The following TEX264 variants were observed in gnomAD, a reference collection of about 807,000 sequenced individuals.
The protein encoded by TEX264 is testis-expressed protein 264.
TEX264 carries 13 observed loss-of-function variants against 23.4 expected under a neutral mutation model. That is an observed-to-expected ratio of 0.56 (90% confidence interval 0.36 to 0.88). The LOEUF is 0.88. Among genes scored for constraint, TEX264 ranks in the 40% least tolerant of loss-of-function variants. The pLI is 0.01. For synonymous variants in TEX264, 159 were observed against 170.0 expected (o/e 0.94, Z 0.50); for missense variants, 340 against 406.8 (o/e 0.84, Z 1.41).
chr3:51,685,695 G>C (rs1239790061), intron 3 of TEX264, among the ~76,000 whole-genome samples: 1 of 152,236 alleles, frequency 6.6e-6, no homozygotes. Context: ...TACAAGATGA[G>C]CTGTCCCATC....
chr3:51,679,137 G>A (rs763012205), intron 2 of TEX264, among the ~76,000 whole-genome samples: 12 of 152,188 alleles, frequency 7.9e-5, no homozygotes, highest in South Asian at 2.1e-4. Context: ...TTGAATCAAG[G>A]CTCCACTGCT....
chr3:51,677,294 G>T (rs1702262649), intron 2 of TEX264, among the ~76,000 whole-genome samples: 1 of 152,202 alleles, frequency 6.6e-6, no homozygotes, highest in Non-Finnish European at 1.5e-5. Context: ...CCAGTGTGTG[G>T]GTGTTAGGAG....
At chr3:51,699,343 C>T in intron 3 of TEX264, 63 bp from the exon 4 acceptor site, 1 of 1,563,776 alleles carries the variant, frequency 6.4e-7, no homozygotes, top group Admixed American at 1.7e-5. Flanking sequence ...TGGGGGTCAC[C>T]CAGGGACAAG....
At chr3:51,699,198 CTA>C (rs1703187999) in intron 3 of TEX264, among the ~76,000 whole-genome samples, 1 of 152,140 alleles carries the variant, frequency 6.6e-6, no homozygotes, top group Non-Finnish European at 1.5e-5. Flanking sequence ...GGTCTTCAGA[CTA>C]TTATTGCACT....
rs1702169359 is a variant in TEX264, at chr3:51,674,579, G to T, written c.258+17G>T. 1.2e-6 allele frequency: 2 copies of T among 1,612,548 alleles called. No individual in the cohort carries two copies. The highest frequency in any genetic ancestry group is 1.3e-5 in the African/African-American group (1 of 75,028). On this transcript the variant is annotated intron_variant, in intron 2 of 4. Coordinates refer to ENST00000341333, the MANE Select transcript of TEX264 (RefSeq NM_015926.6). ...CCCCACATGGTAAGGAGTCTCCATG[G>T]GGTTCTGCCCCATGGATGGGCCTGG...
At chr3:51,678,853 AG>A in intron 2 of TEX264, among the ~76,000 whole-genome samples, 1 of 152,248 alleles carries the variant, frequency 6.6e-6, no homozygotes, top group South Asian at 2.1e-4. Flanking sequence ...GAGCCTGGGA[AG>A]GGGTGAGGGA....
rs1702834722 is a variant in TEX264, at chr3:51,691,668, A to G, written c.480+7034A>G. ...AGAGGAGCAAGAGTTTGGGCCTAAG[A>G]GATATAGGCTGGGTCCTGCAGGCAC... On this transcript the variant is annotated intron_variant, in intron 3 of 4. Transcript: ENST00000341333. The surrounding 1 kb of genome is among the most constrained non-coding windows in gnomAD (Gnocchi z 4.4). Among the ~76,000 whole-genome samples the G allele has an allele frequency of 6.6e-6, 1 of 152,048 alleles. No homozygotes were observed. The highest frequency in any genetic ancestry group is 1.5e-5 in the Non-Finnish European group (1 of 68,014).
At chr3:51,700,750 A>C (rs746119474) in intron 4 of TEX264, among the ~76,000 whole-genome samples, 46 of 133,728 alleles carry the variant, frequency 3.4e-4, no homozygotes, top group Non-Finnish European at 5.7e-4. Context: ...CTTGGCACCC[A>C]CTACAGCTGG....
intron 1 of TEX264, chr3:51,672,201 C>T (rs1310299709): frequency 1.3e-5 from 2 of 152,276 alleles, no homozygotes; most frequent in South Asian, 2.1e-4. Context: ...GTGGTTATTT[C>T]CTGGGCAGGG....
At chr3:51,690,282 C>G (rs376741392) in intron 3 of TEX264, among the ~76,000 whole-genome samples, 164 of 152,232 alleles carry the variant, frequency 1.1e-3, no homozygotes, top group South Asian at 3.9e-3. Flanking sequence ...CTGTAATCCC[C>G]ACACTTTAGG....
intron 3 of TEX264, among the ~76,000 whole-genome samples, chr3:51,695,046 G>T (rs1703001228): frequency 6.6e-6 from 1 of 152,266 alleles, no homozygotes; most frequent in Admixed American, 6.5e-5. Flanking sequence ...CCCACTTGCA[G>T]GGACTGCTGT....
intron 2 of TEX264, among the ~76,000 whole-genome samples, chr3:51,674,874 T>C (rs1034200621): frequency 1.2e-4 from 19 of 152,230 alleles, no homozygotes; most frequent in African/African-American, 4.1e-4. Flanking sequence ...CTGCCTCCTC[T>C]TCTTGTCATC....
intron 4 of TEX264, among the ~76,000 whole-genome samples, chr3:51,702,050 C>CTAGG: frequency 6.6e-6 from 1 of 152,268 alleles, no homozygotes; most frequent in East Asian, 1.9e-4. Context: ...CATTCCTAGC[C>CTAGG]TAGGAGCTGG....
chr3:51,680,815 G>T (rs1185898900), intron 2 of TEX264, among the ~76,000 whole-genome samples: 1 of 152,238 alleles, frequency 6.6e-6, no homozygotes, highest in East Asian at 1.9e-4. Context: ...GGTGGATGGG[G>T]TCTCTTGCCC....
intron 3 of TEX264, among the ~76,000 whole-genome samples, chr3:51,693,407 C>A (rs1002726104): frequency 6.6e-6 from 1 of 151,922 alleles, no homozygotes; most frequent in African/African-American, 2.4e-5. Flanking sequence ...GCCTTTCAGC[C>A]GGTGGCTCCC....
chr3:51,691,979 G>A lies in TEX264; in HGVS notation c.480+7345G>A, dbSNP rs545185931. On this transcript the variant is annotated intron_variant, in intron 3 of 4. Coordinates refer to ENST00000341333, the MANE Select transcript of TEX264 (RefSeq NM_015926.6). The surrounding 1 kb of genome is among the most constrained non-coding windows in gnomAD (Gnocchi z 4.4). ...GTTGGGAGCCAGGCCTCTCCCCTTT[G>A]TTGGCCTAGGCACTGGAACCTGCTC... 1.4e-4 allele frequency among the ~76,000 whole-genome samples: 21 copies of A among 152,338 alleles called. No homozygotes were observed. The South Asian group carries it at 4.1e-3, about 30-fold the overall frequency.
At chr3:51,699,991 G>T (rs1559684330) in intron 4 of TEX264, among the ~76,000 whole-genome samples, 2 of 152,124 alleles carry the variant, frequency 1.3e-5, no homozygotes, top group Non-Finnish European at 2.9e-5. Flanking sequence ...GGGGAGCAAA[G>T]TGTTCTCTTG....
chr3:51,674,406 G>T lies in TEX264; in HGVS notation c.102G>T (p.Val34=). Residue 34 remains valine (V), a synonymous_variant, in exon 2 of 5, where the codon GTG becomes GTT. Transcript: ENST00000341333. ...GGTACTCAGGGCTACTGGCTGGGGT[G>T]GAAGTGAGTGCTGGGTCACCCCCCA... ...FAGYSGLLAG[V]EVSAGSPPIR... 1 of 1,614,218 alleles carries T rather than the reference G, an allele frequency of 6.2e-7. No homozygotes were observed. The highest frequency in any genetic ancestry group is 8.5e-7 in the Non-Finnish European group (1 of 1,180,034).
At chr3:51,680,182 G>A (rs1702374310) in intron 2 of TEX264, among the ~76,000 whole-genome samples, 1 of 152,208 alleles carries the variant, frequency 6.6e-6, no homozygotes, top group Admixed American at 6.5e-5. Context: ...GTCAGGTTGT[G>A]TAGGTTGTGG....
Sources: allele counts gnomAD v4.1 joint callset (sites outside exome capture counted in the v4.1 genomes callset), GRCh38; gene constraint gnomAD v4.1.1; non-coding constraint Gnocchi (gnomAD v3.1); transcripts MANE v1.5; gene names NCBI Gene and HGNC (gene_info 2026-07-23, HGNC 2026-07-21).